Variants in ANKAR observed in about 807,000 individuals in gnomAD.
ANKAR encodes ankyrin and armadillo repeat-containing protein.
A neutral mutation model predicts 146.2 loss-of-function variants in ANKAR; 136 were observed. The observed-to-expected ratio is 0.93, with a 90% CI of 0.81 to 1.07. ANKAR has a LOEUF of 1.07. Ranked by LOEUF, ANKAR falls within the 50% of genes least tolerant of loss-of-function variation. ANKAR has a pLI of 0.00. For missense variants in ANKAR, 1,567 were observed against 1,679.9 expected (o/e 0.93, Z 1.18); for synonymous variants, 500 against 575.8 (o/e 0.87, Z 1.88).
chr2:189,700,232 G>C (rs559010661), intron 7 of ANKAR, among the ~76,000 whole-genome samples: 1 of 152,028 alleles, frequency 6.6e-6, no homozygotes, highest in African/African-American at 2.4e-5. Context: ...AATCTTACAG[G>C]TTACAGAATT....
rs781375783 is a variant in ANKAR at position 189,737,788 on chromosome 2, G to A, written c.3529G>A (p.Glu1177Lys). The A allele has an allele frequency of 2.9e-5, 46 of 1,577,278 alleles. No homozygotes were observed. Among genetic ancestry groups the A allele is most frequent in the South Asian group, 1.6e-4 (13 of 83,782 alleles). Residue 1177 changes from glutamate (E) to lysine (K), a missense_variant, in exon 18 of 23, where the codon GAA becomes AAA. Coordinates refer to ENST00000684021, the MANE Select transcript of ANKAR (RefSeq NM_001378068.1). ...ESGIMTISIF[E>K]RFLESTVETE... ...TGGAATAATGACCATATCTATTTTT[G>A]AACGTTTTCTTGAATCAACAGTTGA...
chr2:189,719,923 A>C, intron 11 of ANKAR, 110 bp downstream of exon 11: 1 of 1,223,526 alleles, frequency 8.2e-7, no homozygotes, highest in Non-Finnish European at 1.1e-6. Context: ...CTCAGGGAAG[A>C]ATACAGCAGG....
intron 22 of ANKAR, among the ~76,000 whole-genome samples, chr2:189,745,901 T>TA (rs1428129947): frequency 1.3e-5 from 2 of 152,176 alleles, no homozygotes; most frequent in African/African-American, 2.4e-5. Flanking sequence ...TCTTGAATGT[T>TA]AGAGTAATTT....
rs749567032 is a variant in ANKAR, at chr2:189,706,987, A to C, written c.1960A>C (p.Thr654Pro). ...TGCTGCCACTTCAGGAGCACTGGAC[A>C]CTATTCAATACCTGTTTTCTATCGG... ...LLAATSGALD[T>P]IQYLFSIGAN... The change falls in exon 9 of 23, where the codon ACT becomes CCT. Residue 654 changes from threonine (T) to proline (P), a missense_variant. Physicochemically the swap from Thr to Pro is conservative, Grantham distance 38. Coordinates refer to ENST00000684021, the MANE Select transcript of ANKAR (RefSeq NM_001378068.1). 1 of 1,613,690 alleles carries C rather than the reference A, an allele frequency of 6.2e-7. No homozygotes were observed.
intron 2 of ANKAR, among the ~76,000 whole-genome samples, chr2:189,687,619 A>G (rs2035806470): frequency 6.6e-6 from 1 of 152,104 alleles, no homozygotes; most frequent in South Asian, 2.1e-4. Context: ...TCCTGCCAGC[A>G]TTCATTTTTG....
rs750922987 is a variant in ANKAR, at chr2:189,676,576, G to T, written c.86G>T (p.Arg29Ile). 1.9e-6 allele frequency: 3 copies of T among 1,611,374 alleles called. No individual in the cohort carries two copies. Among genetic ancestry groups the T allele is most frequent in the Admixed American group, 3.3e-5 (2 of 59,958 alleles). The stretch of plus-strand genomic sequence containing the variant: ...TACCTGGAAAATTTAGCAATACAAA[G>T]AAATGCATCTGCTTTTTTTGAAAAA... The part of the protein sequence containing the change: ...DTYLENLAIQ[R>I]NASAFFEKYD... The change falls in exon 2 of 23, where the codon AGA becomes ATA. Residue 29 changes from arginine to isoleucine, a missense_variant. Arg to Ile is a moderately conservative substitution (Grantham distance 97). Transcript: ENST00000684021.
At chr2:189,746,008 G>C (rs1198601635) in intron 22 of ANKAR, among the ~76,000 whole-genome samples, 1 of 152,148 alleles carries the variant, frequency 6.6e-6, no homozygotes, top group Admixed American at 6.6e-5. Flanking sequence ...TCACAGGTTT[G>C]TAGTAACATA....
rs755952696 is a variant in ANKAR, at chr2:189,695,027, T to C, written c.1354T>C (p.Tyr452His). Reference sequence around the variant, plus strand: ...ACTAGAAACTTTCTATCAGCAACTATATAAGACACAGTGGTGGGGAGCCAT... The same window carrying C: ...ACTAGAAACTTTCTATCAGCAACTACATAAGACACAGTGGTGGGGAGCCAT... ...FELETFYQQL[Y>H]KTQWWGAINE... is the part of the protein sequence containing the mutation. The change falls in exon 6 of 23, where the codon TAT becomes CAT. Residue 452 changes from tyrosine to histidine, a missense_variant. Tyr to His is a moderately conservative substitution (Grantham distance 83). Transcript: ENST00000684021. 7 of 1,608,622 alleles carry C rather than the reference T, an allele frequency of 4.4e-6. No individual in the cohort carries two copies. The South Asian group carries it at 6.7e-5, about 15-fold the overall frequency.
At chr2:189,686,926 T>C (rs1481103627) in intron 2 of ANKAR, among the ~76,000 whole-genome samples, 1 of 152,222 alleles carries the variant, frequency 6.6e-6, no homozygotes. Flanking sequence ...TCAGGGTAAA[T>C]GGAGTATCCT....
rs199566671 is a variant in ANKAR at position 189,728,013 on chromosome 2, G to T, written c.2793G>T (p.Val931=). The T allele has an allele frequency of 8.5e-5, 137 of 1,613,732 alleles. No individual in the cohort carries two copies. The highest frequency in any genetic ancestry group is 1.1e-4 in the Non-Finnish European group (133 of 1,179,952). Residue 931 remains valine, a synonymous_variant, in exon 13 of 23, where the codon GTG becomes GTT. Transcript: ENST00000684021. ...ISVQMKGAMA[V]ESLASHNALI... The stretch of plus-strand genomic sequence containing the variant: ...TCCAAATGAAAGGTGCAATGGCTGT[G>T]GAATCACTGGCAAGTCACAACGCTC...
intron 17 of ANKAR, among the ~76,000 whole-genome samples, chr2:189,737,478 G>T (rs1378124327): frequency 6.6e-6 from 1 of 152,082 alleles, no homozygotes; most frequent in East Asian, 1.9e-4. Context: ...ATATACAAGG[G>T]TAGTTTTGAT....
At chr2:189,683,979 C>T (rs1228558617) in intron 2 of ANKAR, among the ~76,000 whole-genome samples, 2 of 152,162 alleles carry the variant, frequency 1.3e-5, no homozygotes, top group Non-Finnish European at 2.9e-5. Context: ...GAGAATAGAG[C>T]ACACCAAAAA....
chr2:189,699,005 T>C (rs1017912888), intron 7 of ANKAR, among the ~76,000 whole-genome samples: 1 of 152,190 alleles, frequency 6.6e-6, no homozygotes, highest in Non-Finnish European at 1.5e-5. Flanking sequence ...TAAATTTATT[T>C]AGTTAGTTAG....
intron 2 of ANKAR, among the ~76,000 whole-genome samples, chr2:189,686,198 C>CT (rs2035565143): frequency 6.6e-6 from 1 of 151,406 alleles, no homozygotes; most frequent in South Asian, 2.1e-4. Context: ...GTATTCTGGC[C>CT]TTTTTAAAAA....
chr2:189,735,151 G>A (rs757646459), intron 17 of ANKAR, among the ~76,000 whole-genome samples: 1 of 151,792 alleles, frequency 6.6e-6, no homozygotes, highest in Non-Finnish European at 1.5e-5. Context: ...TACTCCTCAT[G>A]TGCACCCTTC....
chr2:189,740,056 G>C (rs1353010095), intron 19 of ANKAR, among the ~76,000 whole-genome samples: 1 of 152,178 alleles, frequency 6.6e-6, no homozygotes, highest in Non-Finnish European at 1.5e-5. Context: ...TAAAATAACT[G>C]ATGTGCTTGG....
intron 1 of ANKAR, among the ~76,000 whole-genome samples, chr2:189,675,473 C>T (rs1218647173): frequency 6.6e-6 from 1 of 151,948 alleles, no homozygotes; most frequent in Non-Finnish European, 1.5e-5. Context: ...TCAAGCCCCG[C>T]GAGTAGCTGA....
chr2:189,696,277 A>T lies in ANKAR; in HGVS notation c.1616A>T (p.His539Leu), dbSNP rs142004571. 3.6e-4 allele frequency: 582 copies of T among 1,614,156 alleles called. 3 individuals are homozygous for T. The African/African-American group carries it at 6.6e-3, about 18-fold the overall frequency. Residue 539 changes from histidine to leucine, a missense_variant, in exon 7 of 23, where the codon CAT (histidine) becomes CTT (leucine). Coordinates refer to ENST00000684021, the MANE Select transcript of ANKAR (RefSeq NM_001378068.1). ...GAAGCAGGTTATACTATTTTTCATC[A>T]TGCTGCCCTGCACAACAGAGTTTCT... ...SDEAGYTIFH[H>L]AALHNRVSII...
intron 10 of ANKAR, among the ~76,000 whole-genome samples, chr2:189,712,807 G>A (rs1206940730): frequency 2.6e-5 from 4 of 152,006 alleles, no homozygotes; most frequent in East Asian, 3.9e-4. Flanking sequence ...TCAGAAGGTC[G>A]GTAATAACAA....
Sources: gnomAD v4.1 joint callset for allele counts (sites outside exome capture counted in the v4.1 genomes callset) on GRCh38, gnomAD v4.1.1 for gene constraint, MANE v1.5 for transcripts, NCBI Gene and HGNC (gene_info 2026-07-23, HGNC 2026-07-21) for gene names.